RASGRP1: variants seen among roughly 807,000 people sequenced by gnomAD.
The protein encoded by RASGRP1 is RAS guanyl releasing protein 1, also known as RAS guanyl-releasing protein 1.
RASGRP1 carries 37 observed loss-of-function variants against 95.1 expected under a neutral mutation model. That is an observed-to-expected ratio of 0.39 (90% CI 0.30 to 0.51). The LOEUF (loss-of-function observed/expected upper bound fraction) is 0.51, where lower values mean the gene tolerates loss of function less well. Ranked by LOEUF, RASGRP1 falls within the 20% of genes least tolerant of loss-of-function variation. RASGRP1 has a pLI of 0.80. For synonymous variants in RASGRP1, 325 were observed against 353.4 expected, an observed-to-expected ratio of 0.92 and a Z score of 0.90; for missense variants, 711 against 965.4, an observed-to-expected ratio of 0.74 and a Z score of 3.49.
chr15:38,554,801 C>T (rs1337395321), intron 2 of RASGRP1, among the ~76,000 whole-genome samples: 2 of 152,230 alleles, frequency 1.3e-5, no homozygotes, highest in African/African-American at 4.8e-5. Context: ...CCATCCTTTA[C>T]ACGTGAAATC....
intron 7 of RASGRP1, among the ~76,000 whole-genome samples, chr15:38,511,960 C>A (rs1247471874): frequency 6.6e-6 from 1 of 152,224 alleles, no homozygotes; most frequent in African/African-American, 2.4e-5. Context: ...GGACCACCTT[C>A]TAGATCAGTG....
At position 38,500,093 on chromosome 15, in the gene RASGRP1, T is replaced by A; in HGVS notation, c.1720+10A>T. ...TACACCAGGAATATGTCAACAATAT[T>A]GAGTCTTACCTTTACATCGATATCC... On this transcript the variant is annotated intron_variant, in intron 14 of 16. Coordinates refer to ENST00000310803, the MANE Select transcript of RASGRP1 (RefSeq NM_005739.4). 1 of 1,612,340 alleles carries A rather than the reference T, an allele frequency of 6.2e-7. No individual in the cohort carries two copies. Among genetic ancestry groups the A allele is most frequent in the Non-Finnish European group, 8.5e-7 (1 of 1,179,256 alleles).
chr15:38,539,040 G>C (rs978957925), intron 2 of RASGRP1, among the ~76,000 whole-genome samples: 1 of 152,138 alleles, frequency 6.6e-6, no homozygotes, highest in African/African-American at 2.4e-5. Flanking sequence ...TCTGAGAGAT[G>C]GGTATTATTT....
chr15:38,493,201 T>A (rs1412522536), intron 16 of RASGRP1, among the ~76,000 whole-genome samples: 3 of 131,308 alleles, frequency 2.3e-5, no homozygotes, highest in East Asian at 2.4e-4. Context: ...TTTTTTTTTT[T>A]AAGATGGAGT....
intron 2 of RASGRP1, among the ~76,000 whole-genome samples, chr15:38,540,797 G>A (rs1892831299): frequency 6.6e-6 from 1 of 152,166 alleles, no homozygotes; most frequent in Admixed American, 6.5e-5. Context: ...GGAAAACTTA[G>A]GTTAAAATTC....
chr15:38,547,945 C>G (rs1020349011), intron 2 of RASGRP1, among the ~76,000 whole-genome samples: 1 of 150,266 alleles, frequency 6.7e-6, no homozygotes, highest in African/African-American at 2.5e-5. Context: ...CCGCCTCTGA[C>G]AGTAGCATTA....
chr15:38,540,347 T>C (rs1892816267), intron 2 of RASGRP1, among the ~76,000 whole-genome samples: 1 of 152,196 alleles, frequency 6.6e-6, no homozygotes, highest in Admixed American at 6.5e-5. Context: ...GCCATTTCCT[T>C]CATTTAAATC....
In RASGRP1 at chr15:38,489,029, AAG is replaced by A. The variant is rs779385286; in HGVS notation, c.*1523_*1524del. The A allele has an allele frequency of 7.9e-5, 12 of 152,090 alleles. No individual in the cohort carries two copies. The highest frequency in any genetic ancestry group is 1.6e-4 in the Non-Finnish European group (11 of 67,908). 9.4% of individuals were successfully genotyped at this position (152,090 alleles called of 1,614,324 possible). The stretch of plus-strand genomic sequence containing the variant: ...TCAAATGGGAACTGATCTTTCATCA[AAG>A]AGAATTCCTAAATGATCTGAATCCT... On this transcript the variant is annotated 3_prime_UTR_variant, in exon 17 of 17. Coordinates refer to ENST00000310803, the MANE Select transcript of RASGRP1 (RefSeq NM_005739.4).
intron 6 of RASGRP1, among the ~76,000 whole-genome samples, chr15:38,515,021 A>G (rs2141119686): frequency 6.6e-6 from 1 of 152,264 alleles, no homozygotes; most frequent in South Asian, 2.1e-4. Flanking sequence ...TGGAGAAGTT[A>G]TTTCCAAATG....
At chr15:38,540,784 T>C (rs995787712) in intron 2 of RASGRP1, among the ~76,000 whole-genome samples, 1 of 152,228 alleles carries the variant, frequency 6.6e-6, no homozygotes, top group Admixed American at 6.5e-5. Context: ...TGTCCTCAAA[T>C]AAGGAAAACT....
intron 15 of RASGRP1, among the ~76,000 whole-genome samples, chr15:38,496,796 ATG>A (rs1890808438): frequency 6.6e-6 from 1 of 152,188 alleles, no homozygotes; most frequent in Non-Finnish European, 1.5e-5. Context: ...ATAAAAAGGA[ATG>A]TGCATTTCTT....
intron 8 of RASGRP1, among the ~76,000 whole-genome samples, chr15:38,511,396 T>G (rs770615155): frequency 6.6e-6 from 1 of 152,160 alleles, no homozygotes; most frequent in Non-Finnish European, 1.5e-5. Context: ...AGTGACACTG[T>G]CTGAGGCCAG....
intron 2 of RASGRP1, among the ~76,000 whole-genome samples, chr15:38,556,350 A>G (rs530024848): frequency 5.3e-5 from 8 of 152,270 alleles, no homozygotes; most frequent in Admixed American, 4.6e-4. Context: ...CTCTTAATTT[A>G]TATGTACTAG....
intron 10 of RASGRP1, 76 bp from the exon 11 acceptor site, chr15:38,503,452 A>T (rs753624244): frequency 6.4e-6 from 7 of 1,099,416 alleles, no homozygotes; most frequent in Non-Finnish European, 9.5e-6. Flanking sequence ...TTTTCCCACT[A>T]CCTGACGGTT....
In RASGRP1 at chr15:38,494,656, A is replaced by G; in HGVS notation, c.1985T>C (p.Leu662Pro). ...GTGGGCAACAGCCCTCTTCAGCCGAAGAGAAATCTTCTGTGAGGACACTCC... is the reference window on the plus strand; with the variant it reads ...GTGGGCAACAGCCCTCTTCAGCCGAGGAGAAATCTTCTGTGAGGACACTCC... Reference protein sequence around the residue: ...LMGVSSQKISLRLKRAVAHKA... With the variant: ...LMGVSSQKISPRLKRAVAHKA... The change falls in exon 16 of 17, where the codon CTT (leucine) becomes CCT (proline). Residue 662 changes from leucine to proline, a missense_variant. Physicochemically the swap from Leu to Pro is moderately conservative, Grantham distance 98. This residue lies in a region of RASGRP1 where 212 missense variants were observed against 247.8 expected (regional missense o/e 0.86). Coordinates refer to ENST00000310803, the MANE Select transcript of RASGRP1 (RefSeq NM_005739.4). 4 of 1,550,436 alleles carry G rather than the reference A, an allele frequency of 2.6e-6. No homozygotes were observed. The highest frequency in any genetic ancestry group is 3.5e-6 in the Non-Finnish European group (4 of 1,154,504).
At chr15:38,497,257 T>G (rs936048883) in intron 15 of RASGRP1, among the ~76,000 whole-genome samples, 1 of 152,092 alleles carries the variant, frequency 6.6e-6, no homozygotes, top group African/African-American at 2.4e-5. Flanking sequence ...GCCCCAACCG[T>G]CCCCAACAAG....
intron 3 of RASGRP1, among the ~76,000 whole-genome samples, chr15:38,524,768 G>A (rs1218995215): frequency 6.6e-6 from 1 of 152,078 alleles, no homozygotes; most frequent in Non-Finnish European, 1.5e-5. Context: ...ATTTTTAGAT[G>A]AGGAGACTTG....
At chr15:38,508,949 T>C (rs949440076) in intron 8 of RASGRP1, among the ~76,000 whole-genome samples, 4 of 152,220 alleles carry the variant, frequency 2.6e-5, no homozygotes, top group African/African-American at 7.2e-5. Context: ...TGCCTGAAAC[T>C]GTGCATAGTA....
chr15:38,494,613 T>C lies in RASGRP1; in HGVS notation c.2028A>G (p.Glu676=). ...CCTCACTGCCAATCCAAGGCTGTGA[T>C]TCAGTCTGGGTGGCCTTGTGGGCAA... The part of the protein sequence containing the change: ...RAVAHKATQT[E]SQPWIGSEGP... Residue 676 remains glutamate (E), a synonymous_variant, in exon 16 of 17, where the codon GAA becomes GAG. Transcript: ENST00000310803. 6.4e-7 allele frequency: 1 copy of C among 1,561,430 alleles called. No individual in the cohort carries two copies. Among genetic ancestry groups the C allele is most frequent in the Non-Finnish European group, 8.6e-7 (1 of 1,158,420 alleles).
Sources: gnomAD v4.1 joint callset for allele counts (sites outside exome capture counted in the v4.1 genomes callset) on GRCh38, gnomAD v4.1.1 for gene constraint, gnomAD v4.1.1 regional missense constraint, MANE v1.5 for transcripts, NCBI Gene and HGNC (gene_info 2026-07-23, HGNC 2026-07-21) for gene names.